RBFOX1: variants seen among roughly 807,000 people sequenced by gnomAD.
RBFOX1 encodes the protein RNA binding fox-1 homolog 1, also known as RNA binding protein fox-1 homolog 1.
In RBFOX1, 8 loss-of-function variants were observed where a neutral mutation model predicts 57.7. That is an observed-to-expected ratio of 0.14 (90% CI 0.08 to 0.25). The LOEUF (loss-of-function observed/expected upper bound fraction) is 0.25, where lower values mean the gene tolerates loss of function less well. Among genes scored for constraint, RBFOX1 ranks in the 10% least tolerant of loss-of-function variants. RBFOX1 has a pLI of 1.00. For missense variants in RBFOX1, 611 were observed against 548.5 expected, an observed-to-expected ratio of 1.11 and a Z score of -1.14; for synonymous variants, 326 against 222.4, an observed-to-expected ratio of 1.47 and a Z score of -4.15.
chr16:7,028,609 CAAAAA>C (rs869138217), intron 3 of RBFOX1, among the ~76,000 whole-genome samples: 196 of 45,372 alleles, frequency 4.3e-3, no homozygotes, highest in Non-Finnish European at 5.4e-3. Flanking sequence ...CACACACACA[CAAAAA>C]AAAAAAAAAA....
At chr16:6,049,955 CG>C (rs1341064068) in intron 1 of RBFOX1, among the ~76,000 whole-genome samples, 335 of 125,138 alleles carry the variant, frequency 2.7e-3, no homozygotes, top group African/African-American at 8.0e-3. Flanking sequence ...AAGCTTAAAA[CG>C]TTTTTTTTTT....
At chr16:7,540,766 G>T (rs950816791) in intron 5 of RBFOX1, among the ~76,000 whole-genome samples, 2 of 152,200 alleles carry the variant, frequency 1.3e-5, no homozygotes, top group African/African-American at 4.8e-5. Flanking sequence ...GGGAGTTCAT[G>T]TTGTCATCCC....
intron 1 of RBFOX1, among the ~76,000 whole-genome samples, chr16:6,108,000 C>T (rs2096402711): frequency 6.6e-6 from 1 of 151,946 alleles, no homozygotes; most frequent in African/African-American, 2.4e-5. Flanking sequence ...TGTGATGTCA[C>T]ACACAGCTAC....
intron 2 of RBFOX1, among the ~76,000 whole-genome samples, chr16:6,461,622 T>G (rs2094923650): frequency 6.6e-6 from 1 of 152,234 alleles, no homozygotes; most frequent in Admixed American, 6.5e-5. Flanking sequence ...TCTTTTTTGT[T>G]CAAACTAAGA....
At chr16:6,500,179 C>T (rs555380347) in intron 2 of RBFOX1, among the ~76,000 whole-genome samples, 1 of 152,302 alleles carries the variant, frequency 6.6e-6, no homozygotes, top group African/African-American at 2.4e-5. Context: ...TTTTTAAATA[C>T]CTGGTCATCA....
intron 10 of RBFOX1, among the ~76,000 whole-genome samples, chr16:7,620,213 C>G (rs564456528): frequency 1.3e-5 from 2 of 152,154 alleles, no homozygotes; most frequent in Admixed American, 6.5e-5. Context: ...TTACTGATTA[C>G]TATTTGCCAA....
intron 4 of RBFOX1, among the ~76,000 whole-genome samples, chr16:5,907,612 A>G (rs1426072652): frequency 5.3e-5 from 8 of 152,106 alleles, no homozygotes. Context: ...TAAGTCTCGT[A>G]ACAACCCCTG....
Position 7,644,580 on chromosome 16 carries a change from G to A in RBFOX1, c.758-9235G>A, listed in dbSNP as rs187924568. 3.6e-3 allele frequency among the ~76,000 whole-genome samples: 554 copies of A among 152,190 alleles called. 5 individuals carry two copies. The highest frequency in any genetic ancestry group is 0.013 in the African/African-American group (532 of 41,512). ...TGAGGATTGCCACCCATTTTCTTTC[G>A]TAACTGTAGGACTATGGCATTCCGA... On this transcript the variant is annotated intron_variant, in intron 11 of 15. Transcript: ENST00000550418.
chr16:6,739,592 G>A (rs994968441), intron 3 of RBFOX1, among the ~76,000 whole-genome samples: 1 of 148,632 alleles, frequency 6.7e-6, no homozygotes, highest in Admixed American at 6.9e-5. Flanking sequence ...AAAATAGAAG[G>A]TGGGCCAGGT....
intron 4 of RBFOX1, among the ~76,000 whole-genome samples, chr16:7,110,208 AAAAT>A (rs1260409832): frequency 2.0e-5 from 3 of 151,406 alleles, no homozygotes; most frequent in Non-Finnish European, 4.4e-5. Flanking sequence ...AAAAAAAGAA[AAAAT>A]AGCCAGGTGT....
chr16:7,054,899 G>A (rs574548416), intron 4 of RBFOX1, among the ~76,000 whole-genome samples: 1 of 152,288 alleles, frequency 6.6e-6, no homozygotes, highest in South Asian at 2.1e-4. Flanking sequence ...TGGCCTCCTG[G>A]AAATAGCAGA....
intron 2 of RBFOX1, among the ~76,000 whole-genome samples, chr16:6,627,809 AG>A (rs2098330427): frequency 6.6e-6 from 1 of 152,172 alleles, no homozygotes; most frequent in South Asian, 2.1e-4. Flanking sequence ...GTGCCCTACA[AG>A]GAAGAGAGAA....
At chr16:5,761,700 A>T (rs1396361002) in intron 3 of RBFOX1, among the ~76,000 whole-genome samples, 1 of 152,196 alleles carries the variant, frequency 6.6e-6, no homozygotes, top group Non-Finnish European at 1.5e-5. Flanking sequence ...CATAGGAATT[A>T]TGGGAGCTAT....
At chr16:6,036,605 G>T (rs957664813) in intron 1 of RBFOX1, among the ~76,000 whole-genome samples, 4 of 63,610 alleles carry the variant, frequency 6.3e-5, no homozygotes, top group African/African-American at 2.0e-4. Flanking sequence ...GACAGTGTCT[G>T]TCTCTTTTTA....
At position 5,832,575 on chromosome 16, in the gene RBFOX1, T is replaced by C. The variant is rs2056315870; in HGVS notation, c.319-34728T>C. Among the ~76,000 whole-genome samples the C allele has an allele frequency of 7.2e-5, 11 of 152,364 alleles. 1 individual carries two copies. In the South Asian group the frequency reaches 2.3e-3, roughly 32 times the overall value. ...GAATATAACACATGTTAGCTGTCACTGTTAGGCTTCTGATTATACTGCAAT... is the reference window on the plus strand; with the variant it reads ...GAATATAACACATGTTAGCTGTCACCGTTAGGCTTCTGATTATACTGCAAT... On this transcript the variant is annotated intron_variant, in intron 3 of 19. Transcript: ENST00000641259.
At chr16:6,363,583 G>A (rs912467888) in intron 2 of RBFOX1, among the ~76,000 whole-genome samples, 8 of 152,228 alleles carry the variant, frequency 5.3e-5, no homozygotes, top group African/African-American at 1.9e-4. Flanking sequence ...TGGCAAGAAT[G>A]AGTGTCACAT....
Position 5,578,411 on chromosome 16 carries a change from G to A in RBFOX1, c.259-20491G>A, listed in dbSNP as rs117285773. 9.3e-3 allele frequency among the ~76,000 whole-genome samples: 1,419 copies of A among 152,268 alleles called. 16 individuals are homozygous for A. Among genetic ancestry groups the A allele is most frequent in the Non-Finnish European group, 0.016 (1,060 of 68,028 alleles). ...GTGGAGAAAGGAGAGGTTTGTTCCA[G>A]TTCCCTTATCCTCCCTGAATCCCAA... On this transcript the variant is annotated intron_variant, in intron 2 of 2. Coordinates refer to the RBFOX1 transcript ENST00000585867.
chr16:7,328,086 T>G (rs1034132550), intron 4 of RBFOX1, among the ~76,000 whole-genome samples: 1 of 152,162 alleles, frequency 6.6e-6, no homozygotes, highest in Non-Finnish European at 1.5e-5. Flanking sequence ...GTTAGTCTGG[T>G]GTCAAACTCC....
At chr16:6,940,425 A>G (rs1048332233) in intron 3 of RBFOX1, among the ~76,000 whole-genome samples, 5 of 152,194 alleles carry the variant, frequency 3.3e-5, no homozygotes, top group Non-Finnish European at 5.9e-5. Context: ...AGCTCCTTTA[A>G]TCTTCTCTCT....
Sources: gnomAD v4.1 joint callset for allele counts (sites outside exome capture counted in the v4.1 genomes callset) on GRCh38, gnomAD v4.1.1 for gene constraint, MANE v1.5 for transcripts, NCBI Gene and HGNC (gene_info 2026-07-23, HGNC 2026-07-21) for gene names.